DAB1: variants seen among roughly 807,000 people sequenced by gnomAD.
DAB1 encodes the protein disabled homolog 1.
Under a neutral mutation model 64.6 loss-of-function variants are expected in DAB1, and 15 were observed. That is an observed-to-expected ratio of 0.23 (90% CI 0.16 to 0.36). The LOEUF is 0.36. Among genes scored for constraint, DAB1 ranks in the 10% least tolerant of loss-of-function variants. The pLI is 1.00. For synonymous variants in DAB1, 235 were observed against 251.9 expected (o/e 0.93, Z 0.64); for missense variants, 596 against 706.7 (o/e 0.84, Z 1.78).
At chr1:58,088,369 C>G (rs1209314143) in intron 5 of DAB1, among the ~76,000 whole-genome samples, 1 of 152,234 alleles carries the variant, frequency 6.6e-6, no homozygotes, top group Non-Finnish European at 1.5e-5. Context: ...TCCACATTTA[C>G]TTGGCATCTG....
intron 5 of DAB1, chr1:58,056,304 G>A (rs1163019448): frequency 2.0e-6 from 3 of 1,513,968 alleles, no homozygotes; most frequent in Non-Finnish European, 9.1e-7. Context: ...CATAGGCATC[G>A]AAGACGCTCG....
intron 4 of DAB1, among the ~76,000 whole-genome samples, chr1:58,158,590 T>C (rs1655343832): frequency 6.6e-6 from 1 of 152,130 alleles, no homozygotes; most frequent in Non-Finnish European, 1.5e-5. Flanking sequence ...CAAGTCAGAC[T>C]ACACACACTG....
intron 5 of DAB1, among the ~76,000 whole-genome samples, chr1:57,948,109 G>A (rs1645211043): frequency 6.6e-6 from 1 of 152,150 alleles, no homozygotes; most frequent in African/African-American, 2.4e-5. Context: ...CTTGGAGACT[G>A]AGCTCAGGTA....
chr1:58,166,885 A>G (rs1655868021), intron 4 of DAB1, among the ~76,000 whole-genome samples: 2 of 151,716 alleles, frequency 1.3e-5, no homozygotes, highest in Admixed American at 1.3e-4. Flanking sequence ...AGCTGGAATT[A>G]CAGTTGTGCA....
rs137880728 is a variant in DAB1 at position 58,015,282 on chromosome 1, C to G, written n.388-131120G>C. ...CTTAGGCATCCCTCATGGTTTACATCTCCTGAACCTCTCACCTCCAACCCT... is the reference window on the plus strand; with the variant it reads ...CTTAGGCATCCCTCATGGTTTACATGTCCTGAACCTCTCACCTCCAACCCT... On this transcript the variant is annotated intron_variant and non_coding_transcript_variant, in intron 5 of 20. Transcript: ENST00000485760. Among the ~76,000 whole-genome samples the G allele has an allele frequency of 3.4e-3, 517 of 152,326 alleles. 5 individuals carry two copies. The highest frequency in any genetic ancestry group is 0.012 in the African/African-American group (495 of 41,566).
At chr1:58,276,059 C>G (rs1286167327) in intron 4 of DAB1, among the ~76,000 whole-genome samples, 1 of 152,116 alleles carries the variant, frequency 6.6e-6, no homozygotes, top group African/African-American at 2.4e-5. Context: ...AAGCCAGTTA[C>G]AAAAAGACAA....
intron 7 of DAB1, among the ~76,000 whole-genome samples, chr1:57,464,516 C>A (rs917764800): frequency 6.6e-6 from 1 of 152,178 alleles, no homozygotes; most frequent in African/African-American, 2.4e-5. Flanking sequence ...CTACACCAGG[C>A]ATAATCTTCA....
rs139155226 is a variant in DAB1, at chr1:57,713,842, TAAG to T, written n.552-64180_552-64178del. Among the ~76,000 whole-genome samples, 1,341 of 152,304 alleles carry T rather than the reference TAAG, an allele frequency of 8.8e-3. 15 individuals are homozygous for T. Among genetic ancestry groups the T allele is most frequent in the African/African-American group, 0.026 (1,075 of 41,552 alleles). On this transcript the variant is annotated intron_variant and non_coding_transcript_variant, in intron 6 of 20. Transcript: ENST00000485760. Reference sequence around the variant, plus strand: ...GAGGAGTTTCTTAGTTAAGAAAATGTAAGAAGAAGAAGTGTCAGAGACATAAAA... The same window carrying T: ...GAGGAGTTTCTTAGTTAAGAAAATGTAAGAAGAAGTGTCAGAGACATAAAA...
chr1:57,287,248 T>TG (rs1196340890), intron 2 of DAB1, among the ~76,000 whole-genome samples: 1 of 149,534 alleles, frequency 6.7e-6, no homozygotes, highest in Non-Finnish European at 1.5e-5. Flanking sequence ...TTCTTTGCAT[T>TG]TTTTTTTGTA....
At chr1:57,033,577 A>G (rs1354074072) in intron 9 of DAB1, 1 of 1,611,710 alleles carries the variant, frequency 6.2e-7, no homozygotes, top group Admixed American at 1.7e-5. Flanking sequence ...AGCCATTCTG[A>G]AAGTGGAAGG....
intron 7 of DAB1, among the ~76,000 whole-genome samples, chr1:57,520,716 C>T (rs1340764974): frequency 6.6e-6 from 1 of 151,982 alleles, no homozygotes; most frequent in Non-Finnish European, 1.5e-5. Flanking sequence ...TATAGCTTCT[C>T]TTATTGAAGA....
At chr1:58,405,718 C>T (rs117754461) in intron 3 of DAB1, among the ~76,000 whole-genome samples, 1 of 152,144 alleles carries the variant, frequency 6.6e-6, no homozygotes, top group African/African-American at 2.4e-5. Context: ...ATTGCTGAAT[C>T]CCAGAAGCTA....
chr1:57,630,280 G>T (rs560280568), intron 7 of DAB1, among the ~76,000 whole-genome samples: 1 of 152,114 alleles, frequency 6.6e-6, no homozygotes. Context: ...GATCTTGAGA[G>T]GTCATCTGGA....
intron 3 of DAB1, among the ~76,000 whole-genome samples, chr1:58,444,741 T>C (rs951234946): frequency 1.3e-5 from 2 of 152,160 alleles, no homozygotes; most frequent in East Asian, 3.8e-4. Context: ...AAGAAAACTA[T>C]AAATACTGAT....
chr1:57,159,775 A>G (rs1249906883), intron 2 of DAB1, among the ~76,000 whole-genome samples: 1 of 149,502 alleles, frequency 6.7e-6, no homozygotes. Context: ...GACTCCCAGC[A>G]ATTTTTCCAG....
Position 57,998,237 on chromosome 1 carries a change from T to A in DAB1, n.388-114075A>T, listed in dbSNP as rs554897465. 2.6e-5 allele frequency among the ~76,000 whole-genome samples: 4 copies of A among 152,338 alleles called. No homozygotes were observed. The East Asian group carries it at 5.8e-4, about 22-fold the overall frequency. The stretch of plus-strand genomic sequence containing the variant: ...TTCTGCCATTGCCTAGCCTTGTGCA[T>A]GACCTTGAACAAGTTATTTAACACC... On this transcript the variant is annotated intron_variant and non_coding_transcript_variant, in intron 5 of 20. Transcript: ENST00000485760.
chr1:57,873,154 T>C (rs937387428), intron 1 of DAB1, among the ~76,000 whole-genome samples: 2 of 151,502 alleles, frequency 1.3e-5, no homozygotes, highest in African/African-American at 2.4e-5. Flanking sequence ...AACTTTATCA[T>C]ATAAACAGGC....
At chr1:58,016,981 T>C (rs1646749571) in intron 5 of DAB1, among the ~76,000 whole-genome samples, 1 of 152,172 alleles carries the variant, frequency 6.6e-6, no homozygotes, top group Non-Finnish European at 1.5e-5. Context: ...CGTATTATTC[T>C]CTGTTATTCG....
At chr1:57,402,013 C>T (rs1448590417) in intron 1 of DAB1, among the ~76,000 whole-genome samples, 1 of 152,054 alleles carries the variant, frequency 6.6e-6, no homozygotes, top group Non-Finnish European at 1.5e-5. Context: ...ACAATAGTGA[C>T]TTACTAGTTA....
Sources: gnomAD v4.1 joint callset for allele counts (sites outside exome capture counted in the v4.1 genomes callset) on GRCh38, gnomAD v4.1.1 for gene constraint, MANE v1.5 for transcripts, NCBI Gene and HGNC (gene_info 2026-07-23, HGNC 2026-07-21) for gene names.